TMEM161B: variants seen among roughly 807,000 people sequenced by gnomAD.
The protein encoded by TMEM161B is transmembrane protein 161B.
A neutral mutation model predicts 61.8 loss-of-function variants in TMEM161B; 34 were observed. That is an observed-to-expected ratio of 0.55 (90% CI 0.42 to 0.73). The LOEUF is 0.73. Among genes scored for constraint, TMEM161B ranks in the 30% least tolerant of loss-of-function variants. TMEM161B has a pLI of 0.00. For synonymous variants in TMEM161B, 167 were observed against 192.8 expected (o/e 0.87, Z 1.11); for missense variants, 456 against 558.5 (o/e 0.82, Z 1.85).
intron 9 of TMEM161B, chr5:88,201,149 G>A (rs1039639006): frequency 1.3e-5 from 2 of 152,008 alleles, no homozygotes; most frequent in Non-Finnish European, 2.9e-5. Flanking sequence ...TGCTTGGAAT[G>A]CTTATGAAAC....
At position 88,196,214 on chromosome 5, in the gene TMEM161B, T is replaced by C; in HGVS notation, c.1461A>G (p.Ala487=). The C allele has an allele frequency of 3.7e-6, 6 of 1,602,750 alleles. No individual in the cohort carries two copies. Among genetic ancestry groups the C allele is most frequent in the South Asian group, 1.1e-5 (1 of 89,180 alleles). Residue 487 remains alanine (A), a synonymous_variant, in exon 12 of 12, where the codon GCA becomes GCG. Coordinates refer to ENST00000296595, the MANE Select transcript of TMEM161B (RefSeq NM_153354.5). The part of the protein sequence containing the change: ...GLFYHQYLTV[A] Reference sequence around the variant, plus strand: ...ATGCTTTTTTGTTAACTGAGATTCATGCCACAGTCAGATACTGGTGATAGA... The same window carrying C: ...ATGCTTTTTTGTTAACTGAGATTCACGCCACAGTCAGATACTGGTGATAGA...
chr5:88,212,829 C>T (rs1043123130), intron 5 of TMEM161B, among the ~76,000 whole-genome samples: 10 of 152,156 alleles, frequency 6.6e-5, no homozygotes, highest in Admixed American at 1.3e-4. Flanking sequence ...TATCTCAATG[C>T]TCTTTTGAGA....
At chr5:88,191,671 T>C (rs1204353266), downstream of TMEM161B, among the ~76,000 whole-genome samples, 2 of 152,002 alleles carry the variant, frequency 1.3e-5, no homozygotes, top group Admixed American at 6.6e-5. Flanking sequence ...TAGAAATACA[T>C]AGCCGGCCAG....
At chr5:88,251,042 T>C (rs1456237749) in intron 1 of TMEM161B, 2 of 152,074 alleles carry the variant, frequency 1.3e-5, no homozygotes, top group South Asian at 2.1e-4. Context: ...CTGATTTGAG[T>C]GAGACTGATC....
chr5:88,202,261 C>G (rs367809952), intron 9 of TMEM161B: 3 of 345,240 alleles, frequency 8.7e-6, no homozygotes, highest in Non-Finnish European at 1.7e-5. Flanking sequence ...GCTAACAGAT[C>G]AAGTCTAGTT....
At chr5:88,220,961 A>G (rs1450863527) in intron 4 of TMEM161B, among the ~76,000 whole-genome samples, 1 of 152,164 alleles carries the variant, frequency 6.6e-6, no homozygotes, top group Non-Finnish European at 1.5e-5. Context: ...AAGATTACCA[A>G]AAGTTATTTA....
chr5:88,199,179 C>T, intron 9 of TMEM161B, 29 bp from the exon 10 acceptor site: 1 of 1,573,876 alleles, frequency 6.4e-7, no homozygotes, highest in Non-Finnish European at 8.6e-7. Flanking sequence ...ATACGGTGCT[C>T]TCAAAGACAA....
intron 1 of TMEM161B, 58 bp downstream of exon 1, chr5:88,268,663 G>A (rs1756752623): frequency 6.2e-7 from 1 of 1,612,678 alleles, no homozygotes; most frequent in Admixed American, 1.7e-5. Context: ...TCACAGTACT[G>A]ACCTCCCCGC....
Position 88,216,647 on chromosome 5 carries a change from G to A in TMEM161B, c.446+3916C>T, listed in dbSNP as rs115113450. ...CCTAAATCAATCCAAAAGAGGCAACGGAAAGGTAGTACCTGGTGATGAACT... is the reference window on the plus strand; with the variant it reads ...CCTAAATCAATCCAAAAGAGGCAACAGAAAGGTAGTACCTGGTGATGAACT... On this transcript the variant is annotated intron_variant, in intron 5 of 11. Coordinates refer to ENST00000296595, the MANE Select transcript of TMEM161B (RefSeq NM_153354.5). Among the ~76,000 whole-genome samples the A allele has an allele frequency of 3.7e-3, 559 of 152,270 alleles. 3 individuals are homozygous for A. The highest frequency in any genetic ancestry group is 0.014 in the Middle Eastern group (4 of 294).
chr5:88,199,113 A>C lies in TMEM161B; in HGVS notation c.952T>G (p.Leu318Val), dbSNP rs761968910. The part of the protein sequence containing the change: ...EATFDTLRLW[L>V]IILLCALRLA... ...CGCAAAGCACACAGCAGGATTATTA[A>C]CCAGAGTCGCAGAGTATCGAATGTG... Residue 318 changes from leucine (L) to valine (V), a missense_variant, in exon 10 of 12, where the codon TTA (leucine) becomes GTA (valine). This residue lies in a region of TMEM161B where 367 missense variants were observed against 427.3 expected (regional missense o/e 0.86). Coordinates refer to ENST00000296595, the MANE Select transcript of TMEM161B (RefSeq NM_153354.5). 30 of 1,612,518 alleles carry C rather than the reference A, an allele frequency of 1.9e-5. No individual in the cohort carries two copies. The Admixed American group carries it at 5.0e-4, about 27-fold the overall frequency.
At chr5:88,208,457 G>C (rs1561325095) in intron 5 of TMEM161B, among the ~76,000 whole-genome samples, 1 of 151,326 alleles carries the variant, frequency 6.6e-6, no homozygotes, top group Non-Finnish European at 1.5e-5. Context: ...ACTCCAGCCT[G>C]GGTGACACAG....
chr5:88,186,930 C>CAACAAA (rs1168413352), downstream of TMEM161B, among the ~76,000 whole-genome samples: 1 of 151,652 alleles, frequency 6.6e-6, no homozygotes, highest in African/African-American at 2.4e-5. Context: ...ACAACAACAA[C>CAACAAA]AAACCAATTT....
At chr5:88,239,213 T>C (rs976228535) in intron 2 of TMEM161B, among the ~76,000 whole-genome samples, 2 of 151,898 alleles carry the variant, frequency 1.3e-5, no homozygotes, top group Non-Finnish European at 2.9e-5. Context: ...TTTATAGAAA[T>C]AGATGGAAAA....
At chr5:88,248,114 T>C (rs1753862042) in intron 1 of TMEM161B, among the ~76,000 whole-genome samples, 1 of 152,046 alleles carries the variant, frequency 6.6e-6, no homozygotes, top group Admixed American at 6.6e-5. Context: ...CATGGAAAGA[T>C]CCAGATAAAA....
At chr5:88,250,526 T>A (rs529312801) in intron 1 of TMEM161B, 19 of 152,304 alleles carry the variant, frequency 1.2e-4, no homozygotes, top group African/African-American at 4.3e-4. Flanking sequence ...GTTCTCCATC[T>A]AAGTGGAGAG....
At chr5:88,230,718 T>C (rs902333274) in intron 2 of TMEM161B, among the ~76,000 whole-genome samples, 2 of 152,224 alleles carry the variant, frequency 1.3e-5, no homozygotes, top group African/African-American at 2.4e-5. Flanking sequence ...TCCTATTGTT[T>C]ACAAGCAGTC....
chr5:88,249,903 C>T (rs182773592), intron 1 of TMEM161B, among the ~76,000 whole-genome samples: 2 of 152,274 alleles, frequency 1.3e-5, no homozygotes, highest in East Asian at 1.9e-4. Context: ...CAGAAGAAGA[C>T]AAGAGGGAAA....
chr5:88,190,286 T>C, downstream of TMEM161B: 1 of 700,304 alleles, frequency 1.4e-6, no homozygotes, highest in Non-Finnish European at 2.6e-6. Flanking sequence ...CACACCGCTG[T>C]GTCAGTTTTG....
At chr5:88,256,507 C>T (rs973106761) in intron 1 of TMEM161B, among the ~76,000 whole-genome samples, 9 of 152,168 alleles carry the variant, frequency 5.9e-5, no homozygotes, top group African/African-American at 1.9e-4. Context: ...TTGACATGTA[C>T]AAATCAGTTT....
Sources: allele counts gnomAD v4.1 joint callset (sites outside exome capture counted in the v4.1 genomes callset), GRCh38; gene constraint gnomAD v4.1.1; regional missense constraint gnomAD v4.1.1; transcripts MANE v1.5; gene names NCBI Gene and HGNC (gene_info 2026-07-23, HGNC 2026-07-21).